Variants in MYO5B observed in about 807,000 individuals in gnomAD.
MYO5B encodes the protein myosin VB, also known as unconventional myosin-Vb.
Under a neutral mutation model 229.3 loss-of-function variants are expected in MYO5B, and 143 were observed. The ratio of observed to expected loss-of-function variants is 0.62; its 90% CI spans 0.54 to 0.72. MYO5B has a LOEUF of 0.72. Ranked by LOEUF, MYO5B falls within the 30% of genes least tolerant of loss-of-function variation. MYO5B has a pLI of 0.00. For synonymous variants in MYO5B, 918 were observed against 885.2 expected, an observed-to-expected ratio of 1.04 and a Z score of -0.66; for missense variants, 2,321 against 2,331.0, an observed-to-expected ratio of 1.00 and a Z score of 0.09.
rs954713715 is a variant in MYO5B at position 49,849,500 on chromosome 18, C to T, written c.4315+67G>A. 170 of 1,130,198 alleles carry T rather than the reference C, an allele frequency of 1.5e-4. 3 individuals carry two copies. The Admixed American group carries it at 2.8e-3, about 19-fold the overall frequency. The allele number at this position is 1,130,198 out of a possible 1,614,324, so 70.0% of individuals were successfully genotyped here. ...GAATGTGCAGAGGGCAGGCAGACAG[C>T]TCACACCCACAGGCGTGGCCAAGTA... On this transcript the variant is annotated intron_variant, in intron 32 of 39. Coordinates refer to ENST00000285039, the MANE Select transcript of MYO5B (RefSeq NM_001080467.3).
intron 1 of MYO5B, among the ~76,000 whole-genome samples, chr18:50,071,857 C>T (rs1295231530): frequency 6.6e-6 from 1 of 152,222 alleles, no homozygotes; most frequent in Non-Finnish European, 1.5e-5. Flanking sequence ...GGCTTAAGAG[C>T]TATAGGGGAG....
intron 2 of MYO5B, among the ~76,000 whole-genome samples, chr18:50,044,019 C>T (rs1005094488): frequency 1.3e-5 from 2 of 152,010 alleles, no homozygotes; most frequent in Admixed American, 1.3e-4. Context: ...CACCTATTCC[C>T]CAAAAACCTA....
chr18:50,163,190 G>A (rs917946964), intron 1 of MYO5B, among the ~76,000 whole-genome samples: 4 of 152,152 alleles, frequency 2.6e-5, no homozygotes, highest in East Asian at 1.9e-4. Context: ...AACCAAGCCT[G>A]CTAATATTTT....
At chr18:49,956,738 C>T (rs78374547) in intron 12 of MYO5B, among the ~76,000 whole-genome samples, 217 of 152,260 alleles carry the variant, frequency 1.4e-3, no homozygotes, top group African/African-American at 3.7e-3. Context: ...AGCCAGGAGC[C>T]GGGACCATAG....
chr18:50,187,977 T>G (rs1435486610), intron 1 of MYO5B, among the ~76,000 whole-genome samples: 1 of 152,178 alleles, frequency 6.6e-6, no homozygotes, highest in Non-Finnish European at 1.5e-5. Flanking sequence ...AAAATTCCGG[T>G]GAGCTTTATA....
intron 21 of MYO5B, among the ~76,000 whole-genome samples, chr18:49,897,822 G>A (rs923883073): frequency 1.3e-5 from 2 of 152,070 alleles, no homozygotes; most frequent in African/African-American, 2.4e-5. Flanking sequence ...TTATAAAGTC[G>A]ATAGGAGTGG....
chr18:49,962,877 A>G (rs1019316771), intron 11 of MYO5B, 72 bp downstream of exon 11: 10 of 1,280,922 alleles, frequency 7.8e-6, no homozygotes, highest in East Asian at 6.9e-5. Flanking sequence ...AGAGGAAGAG[A>G]AGTGGCCTGT....
intron 10 of MYO5B, among the ~76,000 whole-genome samples, chr18:49,964,554 G>A (rs2025600291): frequency 1.3e-5 from 2 of 152,100 alleles, no homozygotes; most frequent in Non-Finnish European, 2.9e-5. Context: ...TGGGAGTCTG[G>A]GAATGGTAGT....
In MYO5B at chr18:49,849,594, A is replaced by T. The variant is rs773810603; in HGVS notation, c.4288T>A (p.Tyr1430Asn). 1.9e-6 allele frequency: 3 copies of T among 1,612,962 alleles called. No individual in the cohort carries two copies. The highest frequency in any genetic ancestry group is 2.7e-5 in the African/African-American group (2 of 74,892). The change falls in exon 32 of 40, where the codon TAC (tyrosine) becomes AAC (asparagine). Residue 1430 changes from tyrosine (Y) to asparagine (N), a missense_variant. Tyr to Asn is a moderately radical substitution (Grantham distance 143). This residue lies in a region of MYO5B where 2,113 missense variants were observed against 2,044.7 expected (regional missense o/e 1.03). Transcript: ENST00000285039. ...ERKLKKQLKIYMKKAQDLEAA... is the reference protein window; with the variant it reads ...ERKLKKQLKINMKKAQDLEAA... Reference sequence around the variant, plus strand: ...TCTAGGTCCTGGGCTTTCTTCATGTAAATCTTCAGTTGCTTTTTGAGCTTC... The same window carrying T: ...TCTAGGTCCTGGGCTTTCTTCATGTTAATCTTCAGTTGCTTTTTGAGCTTC...
At chr18:49,837,837 C>G (rs1306109795) in intron 36 of MYO5B, 35 bp from the exon 37 acceptor site, 18 of 1,610,448 alleles carry the variant, frequency 1.1e-5, no homozygotes, top group Non-Finnish European at 1.5e-5. Flanking sequence ...AGCTTGCATT[C>G]CCCACTAACA....
In MYO5B at chr18:50,177,548, CTG is replaced by C. The variant is rs755260474; in HGVS notation, c.27+17217_27+17218del. On this transcript the variant is annotated intron_variant, in intron 1 of 39. Transcript: ENST00000285039. The stretch of plus-strand genomic sequence containing the variant: ...CCCACCCATCCAATCAGGCTGTCTC[CTG>C]TAAGTCCTGCTCTCCTTAACTGCCT... Among the ~76,000 whole-genome samples the C allele has an allele frequency of 4.6e-5, 7 of 152,354 alleles. No individual in the cohort carries two copies. The East Asian group carries it at 1.3e-3, about 29-fold the overall frequency.
rs183202166 is a variant in MYO5B, at chr18:49,929,706, T to C, written c.2004-108A>G. The C allele has an allele frequency of 2.6e-5, 25 of 966,448 alleles. No homozygotes were observed. The East Asian group carries it at 6.5e-4, about 25-fold the overall frequency. 59.9% of individuals were successfully genotyped at this position (966,448 alleles called of 1,614,324 possible). A position where few individuals can be genotyped will look rare whatever the true frequency, so the allele number is the denominator to read the frequency against. ...TTCCTGCAGCATGTGAAGTACCTGC[T>C]GCCACTGAGTTACAGCCACTGAGTT... On this transcript the variant is annotated intron_variant, in intron 16 of 39. Coordinates refer to ENST00000285039, the MANE Select transcript of MYO5B (RefSeq NM_001080467.3).
chr18:50,147,965 G>A (rs1381876986), intron 1 of MYO5B, among the ~76,000 whole-genome samples: 2 of 151,684 alleles, frequency 1.3e-5, no homozygotes, highest in Non-Finnish European at 2.9e-5. Flanking sequence ...AAAGAGAGAA[G>A]AATCAAATAG....
chr18:49,943,275 G>T (rs1310096386), intron 14 of MYO5B, among the ~76,000 whole-genome samples: 2 of 151,146 alleles, frequency 1.3e-5, no homozygotes, highest in Middle Eastern at 3.4e-3. Flanking sequence ...TAAATGACGA[G>T]TTACTGGGTG....
At chr18:49,949,902 C>T (rs1489839256) in intron 14 of MYO5B, among the ~76,000 whole-genome samples, 1 of 152,148 alleles carries the variant, frequency 6.6e-6, no homozygotes, top group Non-Finnish European at 1.5e-5. Context: ...AAAATAGACT[C>T]ATCACTCAGT....
At chr18:49,932,943 C>A (rs2025210291) in intron 16 of MYO5B, among the ~76,000 whole-genome samples, 1 of 152,134 alleles carries the variant, frequency 6.6e-6, no homozygotes. Flanking sequence ...ATAGCAAGGA[C>A]AATTAACATA....
chr18:49,837,023 C>T, intron 37 of MYO5B, 138 bp from the exon 38 acceptor site: 1 of 828,460 alleles, frequency 1.2e-6, no homozygotes, highest in Non-Finnish European at 1.9e-6. Context: ...ATGGCAAGTG[C>T]CTTGCACTCA....
chr18:49,974,968 C>G (rs1411100949), intron 9 of MYO5B, among the ~76,000 whole-genome samples: 2 of 152,176 alleles, frequency 1.3e-5, no homozygotes, highest in African/African-American at 4.8e-5. Context: ...CAGGCTGCTG[C>G]TGAGTAACTG....
rs2032904700 is a variant in MYO5B at position 50,170,110 on chromosome 18, C to T, written c.27+24657G>A. ...TCCCCACTATTGCTAATAGGAAAAC[C>T]CACCAAAAAGTTAACAGAAAAGCTG... On this transcript the variant is annotated intron_variant, in intron 1 of 39. Coordinates refer to ENST00000285039, the MANE Select transcript of MYO5B (RefSeq NM_001080467.3). Among the ~76,000 whole-genome samples, 2 of 127,190 alleles carry T rather than the reference C, an allele frequency of 1.6e-5. 1 individual carries two copies. Among genetic ancestry groups the T allele is most frequent in the Non-Finnish European group, 3.3e-5 (2 of 59,756 alleles). 83.4% of individuals were successfully genotyped at this position (127,190 alleles called of 152,430 possible).
Sources: gnomAD v4.1 joint callset for allele counts (sites outside exome capture counted in the v4.1 genomes callset) on GRCh38, gnomAD v4.1.1 for gene constraint, gnomAD v4.1.1 regional missense constraint, MANE v1.5 for transcripts, NCBI Gene and HGNC (gene_info 2026-07-23, HGNC 2026-07-21) for gene names.